The following RMDN1 variants were observed in gnomAD, a reference collection of about 807,000 sequenced individuals.
RMDN1 encodes the protein regulator of microtubule dynamics protein 1.
In RMDN1, 48 loss-of-function variants were observed where a neutral mutation model predicts 48.9. That is an observed-to-expected ratio of 0.98 (90% CI 0.78 to 1.25). The LOEUF (loss-of-function observed/expected upper bound fraction) is 1.25, where lower values mean the gene tolerates loss of function less well. RMDN1 is among the 50% of genes most tolerant of loss of function. The pLI is 0.00. For missense variants in RMDN1, 418 were observed against 373.4 expected, an observed-to-expected ratio of 1.12 and a Z score of -0.98; for synonymous variants, 148 against 132.6, an observed-to-expected ratio of 1.12 and a Z score of -0.80.
Position 86,473,933 on chromosome 8 carries a change from A to G in RMDN1, c.*375T>C. The G allele has an allele frequency of 3.0e-6, 3 of 1,010,102 alleles. No individual in the cohort carries two copies. The highest frequency in any genetic ancestry group is 3.5e-6 in the Non-Finnish European group (3 of 845,828). 62.6% of individuals were successfully genotyped at this position (1,010,102 alleles called of 1,614,324 possible). A position where few individuals can be genotyped will look rare whatever the true frequency, so the allele number is the denominator to read the frequency against. ...TCTTCAAGATTTCAACTTAGAATCA[A>G]TCCAATTTGAAAATCCATCCCCCTG... On this transcript the variant is annotated 3_prime_UTR_variant, in exon 10 of 10. Coordinates refer to ENST00000406452, the MANE Select transcript of RMDN1 (RefSeq NM_016033.3).
At chr8:86,504,081 G>A in intron 2 of RMDN1, 4 of 939,838 alleles carry the variant, frequency 4.3e-6, no homozygotes, top group Non-Finnish European at 7.1e-6. Context: ...GAATTCTGGT[G>A]GCCCAGATCT....
At chr8:86,496,548 A>G (rs1167154712) in intron 2 of RMDN1, among the ~76,000 whole-genome samples, 3 of 152,254 alleles carry the variant, frequency 2.0e-5, no homozygotes, top group Non-Finnish European at 1.5e-5. Flanking sequence ...AGGACAAAGA[A>G]GAACATTACA....
downstream of RMDN1, among the ~76,000 whole-genome samples, chr8:86,468,929 A>C (rs190832784): frequency 1.1e-4 from 17 of 152,064 alleles, no homozygotes; most frequent in African/African-American, 3.9e-4. Flanking sequence ...TAGGAGTGCA[A>C]GACTCTCTGT....
upstream of RMDN1, among the ~76,000 whole-genome samples, chr8:86,509,132 A>G (rs1819897185): frequency 6.6e-6 from 1 of 152,140 alleles, no homozygotes; most frequent in Non-Finnish European, 1.5e-5. Context: ...GGAAAGTCTC[A>G]GTCTCTTCGA....
intron 4 of RMDN1, 76 bp downstream of exon 4, chr8:86,486,408 G>T: frequency 9.6e-7 from 1 of 1,044,636 alleles, no homozygotes; most frequent in Non-Finnish European, 1.3e-6. Context: ...TTCTTCCAAT[G>T]TAAATCAGAG....
At chr8:86,484,408 A>G (rs1330669058) in intron 5 of RMDN1, among the ~76,000 whole-genome samples, 1 of 152,186 alleles carries the variant, frequency 6.6e-6, no homozygotes, top group South Asian at 2.1e-4. Context: ...CAGTTAACCC[A>G]AAGAATTGCA....
intron 2 of RMDN1, chr8:86,504,022 G>A (rs1358792667): frequency 1.3e-6 from 1 of 787,380 alleles, no homozygotes; most frequent in Non-Finnish European, 2.3e-6. Flanking sequence ...CTCAGCTACT[G>A]CCCTGCAGGG....
downstream of RMDN1, among the ~76,000 whole-genome samples, chr8:86,472,063 A>G (rs1346968530): frequency 6.6e-6 from 1 of 152,206 alleles, no homozygotes; most frequent in Non-Finnish European, 1.5e-5. Context: ...CAGTTGTGAT[A>G]ATGGTTTTGT....
chr8:86,478,245 C>T (rs1400937432), intron 7 of RMDN1: 1 of 152,060 alleles, frequency 6.6e-6, no homozygotes, highest in Admixed American at 6.6e-5. Context: ...AATAATATTT[C>T]TCAACTGTGT....
chr8:86,470,775 C>T (rs1244259844), downstream of RMDN1, among the ~76,000 whole-genome samples: 1 of 152,060 alleles, frequency 6.6e-6, no homozygotes, highest in Admixed American at 6.5e-5. Flanking sequence ...AAAAGTATCA[C>T]AGGGTCTCAC....
chr8:86,502,289 T>A (rs1281330458), intron 2 of RMDN1, among the ~76,000 whole-genome samples: 1 of 152,038 alleles, frequency 6.6e-6, no homozygotes. Context: ...TAGGCTGGAG[T>A]GCAGTGGTGA....
intron 5 of RMDN1, 99 bp downstream of exon 5, chr8:86,484,773 C>G: frequency 1.8e-6 from 1 of 559,014 alleles, no homozygotes; most frequent in Admixed American, 3.2e-5. Context: ...CCACTGTTAT[C>G]ATAGGTGGTT....
chr8:86,514,211 G>A (rs2131404172), intron 1 of RMDN1: 2 of 967,242 alleles, frequency 2.1e-6, no homozygotes, highest in East Asian at 2.3e-4. Flanking sequence ...TAATCCTTAA[G>A]GAATTTATTT....
chr8:86,472,416 C>T lies in RMDN1; in HGVS notation c.*1892G>A. The T allele has an allele frequency of 1.4e-6, 1 of 702,480 alleles. No individual in the cohort carries two copies. Among genetic ancestry groups the T allele is most frequent in the Non-Finnish European group, 2.6e-6 (1 of 384,956 alleles). The allele number at this position is 702,480 out of a possible 1,614,324, so 43.5% of individuals were successfully genotyped here. A position where few individuals can be genotyped will look rare whatever the true frequency, so the allele number is the denominator to read the frequency against. ...AAACCCATTTTAAAAAGCCATCCAG[C>T]AGAATGCCACATCCCTAGAAAGACC... On this transcript the variant is annotated 3_prime_UTR_variant, in exon 10 of 10. Transcript: ENST00000406452.
chr8:86,495,825 A>G (rs1162965386), intron 2 of RMDN1, among the ~76,000 whole-genome samples: 1 of 152,136 alleles, frequency 6.6e-6, no homozygotes, highest in Non-Finnish European at 1.5e-5. Flanking sequence ...ATAGTATATA[A>G]AACAACCATC....
At chr8:86,504,616 TG>T in intron 2 of RMDN1, 1 of 928,634 alleles carries the variant, frequency 1.1e-6, no homozygotes, top group Non-Finnish European at 1.8e-6. Flanking sequence ...GATGGCTTTT[TG>T]TTCCATGCTC....
chr8:86,483,182 T>G (rs1325831304), intron 5 of RMDN1, among the ~76,000 whole-genome samples: 1 of 152,246 alleles, frequency 6.6e-6, no homozygotes, highest in Non-Finnish European at 1.5e-5. Flanking sequence ...ATAAATGATC[T>G]TTTTTATATG....
chr8:86,507,080 G>C lies in RMDN1; in HGVS notation c.162C>G (p.Gly54=), dbSNP rs1437373564. 1.2e-6 allele frequency: 2 copies of C among 1,611,734 alleles called. No individual in the cohort carries two copies. Among genetic ancestry groups the C allele is most frequent in the South Asian group, 1.1e-5 (1 of 91,022 alleles). ...VMGNPGTFKR[G]LLLSALSYLG... is the part of the protein sequence containing the mutation. ...AATACGACAAAGCTGAGAGTAAAAGGCCTCTTTTGAAAGTTCCTGGGTTTC... is the reference window on the plus strand; with the variant it reads ...AATACGACAAAGCTGAGAGTAAAAGCCCTCTTTTGAAAGTTCCTGGGTTTC... Residue 54 remains glycine (G), a synonymous_variant, in exon 2 of 10, where the codon GGC becomes GGG. Coordinates refer to ENST00000406452, the MANE Select transcript of RMDN1 (RefSeq NM_016033.3).
chr8:86,483,264 T>C (rs1046786448), intron 5 of RMDN1, among the ~76,000 whole-genome samples: 2 of 152,232 alleles, frequency 1.3e-5, no homozygotes, highest in African/African-American at 4.8e-5. Context: ...TTGTTTTTTA[T>C]AATCTATAAC....
Sources: allele counts gnomAD v4.1 joint callset (sites outside exome capture counted in the v4.1 genomes callset), GRCh38; gene constraint gnomAD v4.1.1; transcripts MANE v1.5; gene names NCBI Gene and HGNC (gene_info 2026-07-23, HGNC 2026-07-21).